ATF7IP2: variants seen among roughly 807,000 people sequenced by gnomAD.
The protein encoded by ATF7IP2 is activating transcription factor 7 interacting protein 2, also known as activating transcription factor 7-interacting protein 2.
Under a neutral mutation model 64.2 loss-of-function variants are expected in ATF7IP2, and 42 were observed. The ratio of observed to expected loss-of-function variants is 0.65; its 90% CI spans 0.51 to 0.85. The LOEUF is 0.85. Among genes scored for constraint, ATF7IP2 ranks in the 40% least tolerant of loss-of-function variants. The probability of loss-of-function intolerance (pLI) is 0.00; values close to 1 mark genes in which losing one functional copy is unlikely to be tolerated. For missense variants in ATF7IP2, 933 were observed against 784.2 expected, an observed-to-expected ratio of 1.19 and a Z score of -2.27; for synonymous variants, 308 against 272.8, an observed-to-expected ratio of 1.13 and a Z score of -1.27.
At chr16:10,450,760 CTT>C (rs1302734965) in intron 8 of ATF7IP2, among the ~76,000 whole-genome samples, 2 of 152,116 alleles carry the variant, frequency 1.3e-5, no homozygotes, top group Admixed American at 6.5e-5. Context: ...GGTCTTGACT[CTT>C]TATCCAGTTT....
intron 8 of ATF7IP2, among the ~76,000 whole-genome samples, chr16:10,443,551 C>T (rs1181570371): frequency 6.6e-6 from 1 of 152,210 alleles, no homozygotes; most frequent in East Asian, 1.9e-4. Flanking sequence ...TCATTCCATG[C>T]AGGCATTTGC....
intron 7 of ATF7IP2, among the ~76,000 whole-genome samples, chr16:10,439,691 C>T (rs2141921782): frequency 6.6e-6 from 1 of 150,936 alleles, no homozygotes; most frequent in African/African-American, 2.4e-5. Flanking sequence ...TGCCACTACA[C>T]CCAGCTAATT....
At chr16:10,423,421 C>T (rs1223507855) in intron 3 of ATF7IP2, among the ~76,000 whole-genome samples, 9 of 152,132 alleles carry the variant, frequency 5.9e-5, no homozygotes, top group Non-Finnish European at 1.2e-4. Context: ...AAGGCTCAAA[C>T]GTAGCTATGA....
chr16:10,388,793 G>A (rs1235444502), intron 1 of ATF7IP2, among the ~76,000 whole-genome samples: 2 of 152,226 alleles, frequency 1.3e-5, no homozygotes, highest in East Asian at 1.9e-4. Context: ...GGTGGATCAC[G>A]AGGTCAGGAG....
chr16:10,448,947 T>A (rs996168311), intron 8 of ATF7IP2: 13 of 152,206 alleles, frequency 8.5e-5, no homozygotes, highest in Admixed American at 8.5e-4. Context: ...GGCTGTGGGT[T>A]TGTCATAAAT....
chr16:10,398,550 A>C (rs1567425252), intron 1 of ATF7IP2, among the ~76,000 whole-genome samples: 2 of 152,286 alleles, frequency 1.3e-5, no homozygotes, highest in Admixed American at 6.5e-5. Flanking sequence ...TAGATAACAG[A>C]ATCAACCTGT....
intron 9 of ATF7IP2, among the ~76,000 whole-genome samples, chr16:10,458,111 T>A (rs1386246294): frequency 6.6e-6 from 1 of 152,250 alleles, no homozygotes; most frequent in East Asian, 1.9e-4. Flanking sequence ...CAGATAACTA[T>A]GCGTACACAA....
At chr16:10,406,145 A>G (rs1463678778) in intron 1 of ATF7IP2, among the ~76,000 whole-genome samples, 1 of 152,138 alleles carries the variant, frequency 6.6e-6, no homozygotes, top group Non-Finnish European at 1.5e-5. Flanking sequence ...TTACTCTGTC[A>G]CTCAGGCTGG....
At chr16:10,467,127 G>T (rs1175478119) in intron 9 of ATF7IP2, among the ~76,000 whole-genome samples, 1 of 152,066 alleles carries the variant, frequency 6.6e-6, no homozygotes, top group African/African-American at 2.4e-5. Flanking sequence ...TCTTGGTAAG[G>T]CTCCTTCTAC....
intron 7 of ATF7IP2, among the ~76,000 whole-genome samples, chr16:10,439,861 C>T (rs934428546): frequency 3.3e-5 from 5 of 151,322 alleles, no homozygotes; most frequent in Non-Finnish European, 4.4e-5. Context: ...TCTTCCTTAC[C>T]TTTAATATTA....
intron 6 of ATF7IP2, among the ~76,000 whole-genome samples, chr16:10,437,377 T>C (rs2048457945): frequency 6.6e-6 from 1 of 152,212 alleles, no homozygotes; most frequent in South Asian, 2.1e-4. Flanking sequence ...CTGATTGATA[T>C]TATTTCAATT....
intron 7 of ATF7IP2, among the ~76,000 whole-genome samples, 184 bp downstream of exon 7, chr16:10,438,419 GTT>G (rs374050720): frequency 5.9e-5 from 8 of 135,626 alleles, no homozygotes; most frequent in Admixed American, 7.5e-5. Flanking sequence ...TAATTTTTGG[GTT>G]TTTTTTTTTT....
In ATF7IP2 at chr16:10,440,406, T is replaced by G. The variant is rs377544961; in HGVS notation, c.1138T>G (p.Leu380Val). The G allele has an allele frequency of 7.6e-6, 12 of 1,569,236 alleles. No homozygotes were observed. The African/African-American group carries it at 1.5e-4, about 20-fold the overall frequency. ...KLQRRIKTVLLFQRNCLKPNM... is the reference protein window; with the variant it reads ...KLQRRIKTVLVFQRNCLKPNM... ...TCAAAGACGTATTAAAACAGTATTA[T>G]TATTTCAAAGGAATTGTTTGAAACC... Residue 380 changes from leucine to valine, a missense_variant, in exon 8 of 14, where the codon TTA (leucine) becomes GTA (valine). Transcript: ENST00000562102.
intron 11 of ATF7IP2, 29 bp from the exon 12 acceptor site, chr16:10,473,894 C>CTTTTTTTTTTTTT (rs56766112): frequency 1.9e-6 from 2 of 1,044,362 alleles, no homozygotes; most frequent in Admixed American, 2.8e-5. Context: ...TGAGGCAAAG[C>CTTTTTTTTTTTTT]TTTTTTTTTT....
At chr16:10,391,185 G>A (rs2047315176) in intron 1 of ATF7IP2, among the ~76,000 whole-genome samples, 1 of 151,846 alleles carries the variant, frequency 6.6e-6, no homozygotes, top group Admixed American at 6.6e-5. Context: ...GCTGGGCGTG[G>A]GGGCTCACAC....
intron 9 of ATF7IP2, among the ~76,000 whole-genome samples, chr16:10,465,418 A>C (rs573770186): frequency 6.6e-5 from 10 of 152,002 alleles, no homozygotes; most frequent in Admixed American, 1.3e-4. Flanking sequence ...AAAAATTATC[A>C]GTTTCCTCAG....
chr16:10,388,232 A>G (rs1596407479), intron 1 of ATF7IP2, among the ~76,000 whole-genome samples: 1 of 152,190 alleles, frequency 6.6e-6, no homozygotes, highest in South Asian at 2.1e-4. Context: ...ATTCTGCTTT[A>G]CAGTAGACTA....
chr16:10,459,989 T>C (rs1318864932), intron 9 of ATF7IP2, among the ~76,000 whole-genome samples: 1 of 152,120 alleles, frequency 6.6e-6, no homozygotes, highest in Non-Finnish European at 1.5e-5. Flanking sequence ...AGGAACAATA[T>C]TATTACTATT....
intron 9 of ATF7IP2, among the ~76,000 whole-genome samples, chr16:10,469,074 A>G (rs1472788075): frequency 1.3e-5 from 2 of 152,190 alleles, no homozygotes; most frequent in Non-Finnish European, 1.5e-5. Flanking sequence ...TCCATTACCC[A>G]ACAGCATAAA....
Sources: gnomAD v4.1 joint callset for allele counts (sites outside exome capture counted in the v4.1 genomes callset) on GRCh38, gnomAD v4.1.1 for gene constraint, MANE v1.5 for transcripts, NCBI Gene and HGNC (gene_info 2026-07-23, HGNC 2026-07-21) for gene names.